Variants in UBR1 observed in about 807,000 individuals in gnomAD.
UBR1 encodes E3 ubiquitin-protein ligase UBR1.
In UBR1, 102 loss-of-function variants were observed where a neutral mutation model predicts 242.1. That is an observed-to-expected ratio of 0.42 (90% CI 0.36 to 0.50). The LOEUF (loss-of-function observed/expected upper bound fraction) is 0.50. UBR1 is among the 20% of genes least tolerant of loss of function. The pLI, the probability that UBR1 is intolerant of heterozygous loss-of-function variation, is 0.01. For missense variants in UBR1, 1,772 were observed against 2,101.8 expected (o/e 0.84, Z 3.07); for synonymous variants, 675 against 684.8 (o/e 0.99, Z 0.22).
intron 19 of UBR1, among the ~76,000 whole-genome samples, chr15:43,034,291 A>G (rs929770937): frequency 6.8e-6 from 1 of 146,514 alleles, no homozygotes; most frequent in African/African-American, 2.6e-5. Context: ...TAGATAAATA[A>G]ATGAGCTGGG....
At chr15:42,971,363 A>C (rs1050074770) in intron 39 of UBR1, among the ~76,000 whole-genome samples, 5 of 152,038 alleles carry the variant, frequency 3.3e-5, no homozygotes, top group Admixed American at 1.3e-4. Context: ...ACCATCCTAA[A>C]CCCTTCCAGC....
At chr15:43,059,295 G>T in intron 8 of UBR1, 103 bp from the exon 9 acceptor site, 1 of 955,866 alleles carries the variant, frequency 1.0e-6, no homozygotes, top group Non-Finnish European at 1.6e-6. Context: ...GAACTCCTGG[G>T]CTCAAGCGAT....
At chr15:42,979,893 A>T (rs1003586134) in intron 37 of UBR1, among the ~76,000 whole-genome samples, 11 of 152,172 alleles carry the variant, frequency 7.2e-5, no homozygotes, top group Non-Finnish European at 1.5e-4. Context: ...CAAGCTTGGC[A>T]TATGTAACCA....
In UBR1 at chr15:42,944,317, C is replaced by T. The variant is rs1354980708; in HGVS notation, c.*1012G>A. On this transcript the variant is annotated 3_prime_UTR_variant, in exon 47 of 47. Coordinates refer to ENST00000290650, the MANE Select transcript of UBR1 (RefSeq NM_174916.3). ...AGGACACAGACTATTGATCACATGG[C>T]TTTTTTGGTGGTTTGTACTAGTCAT... 6.6e-6 allele frequency: 1 copy of T among 152,532 alleles called. No homozygotes were observed. Among genetic ancestry groups the T allele is most frequent in the East Asian group, 1.9e-4 (1 of 5,200 alleles). The allele number at this position is 152,532 out of a possible 1,614,324, so 9.4% of individuals were successfully genotyped here.
intron 6 of UBR1, among the ~76,000 whole-genome samples, chr15:43,060,674 C>T (rs1460193623): frequency 6.6e-6 from 1 of 152,090 alleles, no homozygotes; most frequent in Admixed American, 6.5e-5. Context: ...GCACTGTCTT[C>T]CTCATTTAAC....
chr15:42,981,305 T>C (rs2032374493), intron 37 of UBR1, among the ~76,000 whole-genome samples: 2 of 152,176 alleles, frequency 1.3e-5, no homozygotes, highest in Admixed American at 6.5e-5. Flanking sequence ...ACCTATCTAC[T>C]TGAACACATC....
chr15:43,026,851 C>T (rs1326197043), intron 22 of UBR1, among the ~76,000 whole-genome samples, 188 bp from the exon 23 acceptor site: 1 of 152,090 alleles, frequency 6.6e-6, no homozygotes, highest in Non-Finnish European at 1.5e-5. Context: ...AGCCTGATAA[C>T]AGCTAAGCTG....
At chr15:43,037,085 T>C (rs1023683234) in intron 17 of UBR1, among the ~76,000 whole-genome samples, 18 of 152,048 alleles carry the variant, frequency 1.2e-4, no homozygotes, top group Non-Finnish European at 4.4e-5. Flanking sequence ...CAGTGGCTCA[T>C]GCCTGTAATC....
rs766175703 is a variant in UBR1, at chr15:42,966,172, C to T, written c.4572G>A (p.Pro1524=). The change falls in exon 41 of 47, where the codon CCG becomes CCA. Residue 1524 remains proline, a synonymous_variant. Coordinates refer to ENST00000290650, the MANE Select transcript of UBR1 (RefSeq NM_174916.3). Reference sequence around the variant, plus strand: ...ACTTACTGGTATGCAGTTCCTCAGGCGGAGTTACCCCAAGTAAATAGTGGA... The same window carrying T: ...ACTTACTGGTATGCAGTTCCTCAGGTGGAGTTACCCCAAGTAAATAGTGGA... ...LFFHYLLGVT[P]PEELHTNSAE... 21 of 1,613,944 alleles carry T rather than the reference C, an allele frequency of 1.3e-5. No homozygotes were observed. Among genetic ancestry groups the T allele is most frequent in the Non-Finnish European group, 1.7e-5 (20 of 1,180,010 alleles).
intron 6 of UBR1, among the ~76,000 whole-genome samples, chr15:43,060,461 G>T (rs1427720869): frequency 6.6e-6 from 1 of 152,104 alleles, no homozygotes; most frequent in African/African-American, 2.4e-5. Context: ...TATTTTTCAT[G>T]AATGAATTCA....
At chr15:42,975,743 G>A (rs1289580994) in intron 39 of UBR1, among the ~76,000 whole-genome samples, 2 of 151,632 alleles carry the variant, frequency 1.3e-5, no homozygotes, top group Non-Finnish European at 2.9e-5. Context: ...GCCCAGGCTG[G>A]AGTGCCATGG....
intron 38 of UBR1, 70 bp downstream of exon 38, chr15:42,977,810 T>A: frequency 7.5e-7 from 1 of 1,332,404 alleles, no homozygotes; most frequent in East Asian, 2.3e-5. Flanking sequence ...ACAAAGGGCA[T>A]GAATTTAAAT....
At chr15:43,020,734 C>T (rs774831266) in intron 27 of UBR1, among the ~76,000 whole-genome samples, 1 of 152,196 alleles carries the variant, frequency 6.6e-6, no homozygotes, top group African/African-American at 2.4e-5. Context: ...CCATTATGTT[C>T]CAGCCATACT....
chr15:43,023,145 T>G (rs1406351215), intron 25 of UBR1, among the ~76,000 whole-genome samples: 1 of 152,138 alleles, frequency 6.6e-6, no homozygotes, highest in African/African-American at 2.4e-5. Flanking sequence ...AGTGCTGCAA[T>G]TACAGGTATG....
chr15:42,998,647 C>A (rs1176596387), intron 32 of UBR1, among the ~76,000 whole-genome samples: 1 of 152,174 alleles, frequency 6.6e-6, no homozygotes, highest in Non-Finnish European at 1.5e-5. Flanking sequence ...AAGTTCATCA[C>A]TTCTTCCTAC....
chr15:43,025,659 A>G, intron 23 of UBR1: 1 of 510,128 alleles, frequency 2.0e-6, no homozygotes, highest in Non-Finnish European at 3.5e-6. Flanking sequence ...TTTTCTACTG[A>G]AAATATTTAC....
chr15:43,097,582 G>C (rs1243341674), intron 1 of UBR1, among the ~76,000 whole-genome samples: 1 of 152,196 alleles, frequency 6.6e-6, no homozygotes, highest in African/African-American at 2.4e-5. Flanking sequence ...ATCTTAGCTA[G>C]ATCTTCTGCA....
At chr15:43,058,832 A>G (rs1178495620) in intron 9 of UBR1, among the ~76,000 whole-genome samples, 1 of 152,230 alleles carries the variant, frequency 6.6e-6, no homozygotes, top group African/African-American at 2.4e-5. Flanking sequence ...ATGTATAGAC[A>G]CATACATATA....
At chr15:43,095,267 TGG>T (rs2034145554) in intron 1 of UBR1, among the ~76,000 whole-genome samples, 2 of 152,224 alleles carry the variant, frequency 1.3e-5, no homozygotes, top group South Asian at 4.1e-4. Context: ...TTTTAAAAGG[TGG>T]TCCATAAAGA....
Sources: gnomAD v4.1 joint callset for allele counts (sites outside exome capture counted in the v4.1 genomes callset) on GRCh38, gnomAD v4.1.1 for gene constraint, MANE v1.5 for transcripts, NCBI Gene and HGNC (gene_info 2026-07-23, HGNC 2026-07-21) for gene names.